Variants in KCNQ1 observed in about 807,000 individuals in gnomAD.
The protein encoded by KCNQ1 is potassium voltage-gated channel subfamily KQT member 1.
In KCNQ1, 49 loss-of-function variants were observed where a neutral mutation model predicts 72.4. That is an observed-to-expected ratio of 0.68 (90% CI 0.54 to 0.86). The LOEUF (loss-of-function observed/expected upper bound fraction) is 0.86, where lower values mean the gene tolerates loss of function less well. KCNQ1 is among the 40% of genes least tolerant of loss of function. The probability of loss-of-function intolerance (pLI) is 0.00; values close to 1 mark genes in which losing one functional copy is unlikely to be tolerated. For missense variants in KCNQ1, 790 were observed against 945.1 expected (o/e 0.84, Z 2.15); for synonymous variants, 450 against 412.6 (o/e 1.09, Z -1.10).
At position 2,447,857 on chromosome 11, in the gene KCNQ1, A is replaced by G. The variant is rs1397471228; in HGVS notation, c.386+2373A>G. Among the ~76,000 whole-genome samples, 2 of 151,998 alleles carry G rather than the reference A, an allele frequency of 1.3e-5. No individual in the cohort carries two copies. Among genetic ancestry groups the G allele is most frequent in the Non-Finnish European group, 2.9e-5 (2 of 67,948 alleles). ...CGCTGACCCTACAGGGCTAGGGCGA[A>G]CTCTCCTGTGTGCGCCTGGGGAAGC... On this transcript the variant is annotated intron_variant, in intron 1 of 15. Coordinates refer to ENST00000155840, the MANE Select transcript of KCNQ1 (RefSeq NM_000218.3). The surrounding 1 kb of genome is among the most constrained non-coding windows in gnomAD (Gnocchi z 7.6).
chr11:2,629,245 A>T, intron 10 of KCNQ1: 1 of 398,226 alleles, frequency 2.5e-6, no homozygotes, highest in Non-Finnish European at 4.4e-6. Context: ...CTTTCCATTT[A>T]TTTGTATCAT....
At chr11:2,639,866 C>G (rs998651784) in intron 10 of KCNQ1, 1 of 152,772 alleles carries the variant, frequency 6.5e-6, no homozygotes, top group Non-Finnish European at 1.5e-5. Flanking sequence ...CCACCCAGTT[C>G]GAGCTTCCTG....
chr11:2,728,352 G>A (rs372963516), intron 11 of KCNQ1, among the ~76,000 whole-genome samples: 4 of 152,204 alleles, frequency 2.6e-5, no homozygotes, highest in South Asian at 2.1e-4. Context: ...CTGACCCGGC[G>A]CCAGCCCTCA....
At chr11:2,590,449 C>T (rs1848656210) in intron 10 of KCNQ1, among the ~76,000 whole-genome samples, 1 of 152,246 alleles carries the variant, frequency 6.6e-6, no homozygotes, top group Non-Finnish European at 1.5e-5. Context: ...TTTGAAAACA[C>T]TTGGTTATCA....
At position 2,676,466 on chromosome 11, in the gene KCNQ1, A is replaced by C. The variant is rs1257918221; in HGVS notation, c.1514+14385A>C. The C allele has an allele frequency of 1.0e-5, 4 of 398,666 alleles. No individual in the cohort carries two copies. The highest frequency in any genetic ancestry group is 1.3e-5 in the Non-Finnish European group (3 of 226,082). 24.7% of individuals were successfully genotyped at this position (398,666 alleles called of 1,614,324 possible). A position where few individuals can be genotyped will look rare whatever the true frequency, so the allele number is the denominator to read the frequency against. On this transcript the variant is annotated intron_variant, in intron 11 of 15. Transcript: ENST00000155840. The surrounding 1 kb of genome is among the most constrained non-coding windows in gnomAD (Gnocchi z 4.2). ...TGCTCACTGTTCTGCTCAGATTGTT[A>C]GCTGTAGTCTTTCTGGCATCAGTTC...
In KCNQ1 at chr11:2,603,723, C is replaced by G. The variant is rs1325155786; in HGVS notation, c.1393+14869C>G. Among the ~76,000 whole-genome samples, 3 of 152,048 alleles carry G rather than the reference C, an allele frequency of 2.0e-5. No individual in the cohort carries two copies. The highest frequency in any genetic ancestry group is 4.8e-5 in the African/African-American group (2 of 41,386). ...TTTTTTTCCCCGAGACAGAGTCTCC[C>G]TCTGTCGCCCAGGCTGGAGTGCAGT... is the stretch of plus-strand genomic sequence containing the variant. On this transcript the variant is annotated intron_variant, in intron 10 of 15. Transcript: ENST00000155840. The surrounding 1 kb of genome is among the most constrained non-coding windows in gnomAD (Gnocchi z 4.1).
rs879080572 is a variant in KCNQ1, at chr11:2,624,808, A to C, written c.1393+35954A>C. 1.8e-5 allele frequency: 7 copies of C among 398,352 alleles called. No individual in the cohort carries two copies. Among genetic ancestry groups the C allele is most frequent in the Admixed American group, 4.4e-5 (1 of 22,688 alleles). The allele number at this position is 398,352 out of a possible 1,614,324, so 24.7% of individuals were successfully genotyped here. ...TCTATGTCTCTGATTTGACTATTCT[A>C]CATACCTCATATAAGTGGAAACATA... On this transcript the variant is annotated intron_variant, in intron 10 of 15. Transcript: ENST00000155840. The surrounding 1 kb of genome is among the most constrained non-coding windows in gnomAD (Gnocchi z 4.9).
intron 10 of KCNQ1, chr11:2,655,705 C>T (rs926813672): frequency 1.3e-4 from 53 of 396,058 alleles, no homozygotes; most frequent in Non-Finnish European, 2.1e-4. Flanking sequence ...CCCCTCCATG[C>T]TCTCCTAGAT....
rs545248108 is a variant in KCNQ1, at chr11:2,782,722, C to T, written c.1794+4685C>T. ...TACATTTCATTTTAGTTTCCATGTT[C>T]ATTGGCATTTATTATAATTTTAATG... is the stretch of plus-strand genomic sequence containing the variant. On this transcript the variant is annotated intron_variant, in intron 15 of 15. Transcript: ENST00000155840. The surrounding 1 kb of genome is among the most constrained non-coding windows in gnomAD (Gnocchi z 6.1). 6.6e-6 allele frequency among the ~76,000 whole-genome samples: 1 copy of T among 152,244 alleles called. No homozygotes were observed. The highest frequency in any genetic ancestry group is 6.5e-5 in the Admixed American group (1 of 15,296).
rs1373253190 is a variant in KCNQ1 at position 2,682,063 on chromosome 11, T to C, written c.1514+19982T>C. 1 of 398,396 alleles carries C rather than the reference T, an allele frequency of 2.5e-6. No homozygotes were observed. The highest frequency in any genetic ancestry group is 2.1e-5 in the African/African-American group (1 of 48,566). The allele number at this position is 398,396 out of a possible 1,614,324, so 24.7% of individuals were successfully genotyped here. On this transcript the variant is annotated intron_variant, in intron 11 of 15. Transcript: ENST00000155840. The surrounding 1 kb of genome is among the most constrained non-coding windows in gnomAD (Gnocchi z 5.8). ...TGTTTTATAGATAATCTCCTAAGGG[T>C]TGAGGGATTGAGTCTAGGGCCCAGG...
chr11:2,798,505 TTAAAC>T lies in KCNQ1; in HGVS notation c.1794+20472_1794+20476del, dbSNP rs1259395438. Among the ~76,000 whole-genome samples the T allele has an allele frequency of 2.0e-5, 3 of 152,170 alleles. No individual in the cohort carries two copies. The East Asian group carries it at 5.8e-4, about 29-fold the overall frequency. Reference sequence around the variant, plus strand: ...TTTGCGGCAGCAGCAGCAGACGTTTTTAAACTAATTCATTGGTGATGGCAAAATTA... The same window carrying T: ...TTTGCGGCAGCAGCAGCAGACGTTTTTAATTCATTGGTGATGGCAAAATTA... On this transcript the variant is annotated intron_variant, in intron 15 of 15. Coordinates refer to ENST00000155840, the MANE Select transcript of KCNQ1 (RefSeq NM_000218.3).
intron 12 of KCNQ1, among the ~76,000 whole-genome samples, chr11:2,774,374 C>A (rs1846654841): frequency 6.6e-6 from 1 of 152,198 alleles, no homozygotes; most frequent in African/African-American, 2.4e-5. Context: ...GAGCAGCAGG[C>A]CCTTCCTTCC....
At position 2,611,818 on chromosome 11, in the gene KCNQ1, G is replaced by A; in HGVS notation, c.1393+22964G>A. ...CCTCCTTTACTGCCTTCTGCAGGTT[G>A]AATAGATATGTTCTAGAGTACCATT... On this transcript the variant is annotated intron_variant, in intron 10 of 15. Coordinates refer to ENST00000155840, the MANE Select transcript of KCNQ1 (RefSeq NM_000218.3). The surrounding 1 kb of genome is among the most constrained non-coding windows in gnomAD (Gnocchi z 5.3). 1 of 398,310 alleles carries A rather than the reference G, an allele frequency of 2.5e-6. No individual in the cohort carries two copies. Among genetic ancestry groups the A allele is most frequent in the Non-Finnish European group, 4.4e-6 (1 of 225,988 alleles). The allele number at this position is 398,310 out of a possible 1,614,324, so 24.7% of individuals were successfully genotyped here. A position where few individuals can be genotyped will look rare whatever the true frequency, so the allele number is the denominator to read the frequency against.
rs1397451232 is a variant in KCNQ1 at position 2,683,984 on chromosome 11, G to T, written c.1514+21903G>T. 5.1e-6 allele frequency: 2 copies of T among 395,012 alleles called. No individual in the cohort carries two copies. The highest frequency in any genetic ancestry group is 1.3e-4 in the South Asian group (1 of 7,758). 24.5% of individuals were successfully genotyped at this position (395,012 alleles called of 1,614,324 possible). A position where few individuals can be genotyped will look rare whatever the true frequency, so the allele number is the denominator to read the frequency against. ...ACTTTTTTTTTTTTTTCATTTAGAA[G>T]AATTTCCTTGGCAACTCCGTCTCTC... On this transcript the variant is annotated intron_variant, in intron 11 of 15. Coordinates refer to ENST00000155840, the MANE Select transcript of KCNQ1 (RefSeq NM_000218.3). This position sits in a 1 kb window ranked among gnomAD's most constrained non-coding sequence, Gnocchi z 4.7.
chr11:2,809,135 A>G lies in KCNQ1; in HGVS notation c.1794+31098A>G, dbSNP rs1437678457. On this transcript the variant is annotated intron_variant, in intron 15 of 15. Coordinates refer to ENST00000155840, the MANE Select transcript of KCNQ1 (RefSeq NM_000218.3). This position sits in a 1 kb window ranked among gnomAD's most constrained non-coding sequence, Gnocchi z 7.1. ...GAGTGGGCAGACAGACAGACACACC[A>G]TCAGAAGCAAATATAAATATGGAAT... Among the ~76,000 whole-genome samples, 1 of 152,194 alleles carries G rather than the reference A, an allele frequency of 6.6e-6. No individual in the cohort carries two copies.
At chr11:2,499,657 G>C (rs941181814) in intron 1 of KCNQ1, among the ~76,000 whole-genome samples, 3 of 152,026 alleles carry the variant, frequency 2.0e-5, no homozygotes, top group Non-Finnish European at 4.4e-5. Flanking sequence ...GAAAAGATCA[G>C]GAGTAGCTAT....
At position 2,815,921 on chromosome 11, in the gene KCNQ1, G is replaced by A. The variant is rs1176645021; in HGVS notation, c.1795-31846G>A. Among the ~76,000 whole-genome samples the A allele has an allele frequency of 2.0e-5, 3 of 152,196 alleles. No homozygotes were observed. Among genetic ancestry groups the A allele is most frequent in the Admixed American group, 6.5e-5 (1 of 15,286 alleles). ...AAAAATTAAGCACCGCTGAGTCGCC[G>A]CACACCTGTCAGGGTGGAGGGGACT... On this transcript the variant is annotated intron_variant, in intron 15 of 15. Transcript: ENST00000155840. This position sits in a 1 kb window ranked among gnomAD's most constrained non-coding sequence, Gnocchi z 5.4.
At position 2,626,071 on chromosome 11, in the gene KCNQ1, G is replaced by T. The variant is rs535180664; in HGVS notation, c.1394-35890G>T. On this transcript the variant is annotated intron_variant, in intron 10 of 15. Coordinates refer to ENST00000155840, the MANE Select transcript of KCNQ1 (RefSeq NM_000218.3). The surrounding 1 kb of genome is among the most constrained non-coding windows in gnomAD (Gnocchi z 4.0). ...TTATCTAGTTTTACTTTTATTGCCT[G>T]TGCAAGTACAATTTATCTATTTTTA... The T allele has an allele frequency of 1.5e-5, 6 of 398,540 alleles. No homozygotes were observed. The South Asian group carries it at 7.6e-4, about 51-fold the overall frequency. 24.7% of individuals were successfully genotyped at this position (398,540 alleles called of 1,614,324 possible).
Position 2,587,525 on chromosome 11 carries a change from C to T in KCNQ1, c.1129-45C>T, listed in dbSNP as rs143135010. 5.5e-5 allele frequency: 88 copies of T among 1,612,586 alleles called. No individual in the cohort carries two copies. The Middle Eastern group carries it at 9.9e-4, about 18-fold the overall frequency. On this transcript the variant is annotated intron_variant, in intron 8 of 15. Transcript: ENST00000155840. ...CTGTAGCTTCCATAAGGGCCCCCGC[C>T]GGGTGGCTCAGCAGGTGACAGCCTG... is the stretch of plus-strand genomic sequence containing the variant.
Sources: gnomAD v4.1 joint callset for allele counts (sites outside exome capture counted in the v4.1 genomes callset) on GRCh38, gnomAD v4.1.1 for gene constraint, Gnocchi (gnomAD v3.1) non-coding constraint, MANE v1.5 for transcripts, NCBI Gene and HGNC (gene_info 2026-07-23, HGNC 2026-07-21) for gene names.